TENM3: variants seen among roughly 807,000 people sequenced by gnomAD.
TENM3 encodes the protein teneurin transmembrane protein 3.
A neutral mutation model predicts 255.1 loss-of-function variants in TENM3; 63 were observed. The ratio of observed to expected loss-of-function variants is 0.25; its 90% CI spans 0.20 to 0.30. The LOEUF (loss-of-function observed/expected upper bound fraction) is 0.30, where lower values mean the gene tolerates loss of function less well. Among genes scored for constraint, TENM3 ranks in the 10% least tolerant of loss-of-function variants. The pLI, the probability that TENM3 is intolerant of heterozygous loss-of-function variation, is 1.00. For missense variants in TENM3, 2,929 were observed against 3,461.1 expected (o/e 0.85, Z 3.86); for synonymous variants, 1,306 against 1,322.3 (o/e 0.99, Z 0.27).
At chr4:182,796,551 G>A in intron 26 of TENM3, 86 bp from the exon 27 acceptor site, 2 of 1,248,104 alleles carry the variant, frequency 1.6e-6, no homozygotes, top group Non-Finnish European at 2.2e-6. Flanking sequence ...TTGTGAAATT[G>A]GATTTTCTTT....
the TENM3 span, among the ~76,000 whole-genome samples, chr4:181,521,566 C>T: frequency 2.0e-5 from 3 of 152,158 alleles, no homozygotes; most frequent in Non-Finnish European, 4.4e-5. Context: ...CATGCGTAAT[C>T]GTAACTCAAG....
rs772611029 is a variant in TENM3 at position 182,789,723 on chromosome 4, G to A, written c.5601+334G>A. Among the ~76,000 whole-genome samples the A allele has an allele frequency of 3.9e-5, 6 of 152,160 alleles. No individual in the cohort carries two copies. The highest frequency in any genetic ancestry group is 8.8e-5 in the Non-Finnish European group (6 of 68,040). On this transcript the variant is annotated intron_variant, in intron 25 of 27. Transcript: ENST00000511685. The surrounding 1 kb of genome is among the most constrained non-coding windows in gnomAD (Gnocchi z 4.4). ...TGTAAGTCGCTTGTAAATAATTTTC[G>A]TGCTAGCTCTTCCATTTAAGAGAGA...
chr4:181,618,316 C>T, the TENM3 span, among the ~76,000 whole-genome samples: 1 of 152,192 alleles, frequency 6.6e-6, no homozygotes, highest in Admixed American at 6.6e-5. Flanking sequence ...GTCCGCTCTG[C>T]AGCACTTCAT....
At chr4:181,730,831 A>G in the TENM3 span, among the ~76,000 whole-genome samples, 1 of 152,190 alleles carries the variant, frequency 6.6e-6, no homozygotes, top group Non-Finnish European at 1.5e-5. Flanking sequence ...AATTGAAGCT[A>G]TGCAGCCACC....
chr4:181,784,292 G>C, the TENM3 span, among the ~76,000 whole-genome samples: 1 of 151,688 alleles, frequency 6.6e-6, no homozygotes, highest in Non-Finnish European at 1.5e-5. Context: ...TTCTACCAAA[G>C]AGTTTTTCAG....
the TENM3 span, among the ~76,000 whole-genome samples, chr4:181,517,195 G>A: frequency 3.9e-5 from 6 of 152,106 alleles, no homozygotes; most frequent in Admixed American, 3.9e-4. Context: ...TGGAAGGGAG[G>A]ACAAGACTGT....
chr4:182,020,947 T>C, the TENM3 span, among the ~76,000 whole-genome samples: 1 of 152,158 alleles, frequency 6.6e-6, no homozygotes, highest in South Asian at 2.1e-4. Context: ...GGATTTTTTT[T>C]TCAAATTTTC....
chr4:182,271,232 A>G (rs1759599476), intron 1 of TENM3, among the ~76,000 whole-genome samples: 1 of 152,124 alleles, frequency 6.6e-6, no homozygotes, highest in African/African-American at 2.4e-5. Flanking sequence ...TTACAGCAGG[A>G]CTTATTCTTC....
the TENM3 span, among the ~76,000 whole-genome samples, chr4:181,964,906 C>T: frequency 3.3e-5 from 5 of 152,162 alleles, no homozygotes; most frequent in South Asian, 8.3e-4. Context: ...ACCCCTTTGA[C>T]GAAAAAGTTC....
chr4:182,720,017 G>A (rs376223130), intron 13 of TENM3, among the ~76,000 whole-genome samples: 7 of 152,104 alleles, frequency 4.6e-5, no homozygotes, highest in South Asian at 2.1e-4. Context: ...AGCCATGATC[G>A]CGCCACTGCA....
At chr4:182,575,433 A>T (rs1560947353) in intron 3 of TENM3, among the ~76,000 whole-genome samples, 1 of 152,222 alleles carries the variant, frequency 6.6e-6, no homozygotes. Flanking sequence ...AGCAGTCAGT[A>T]CATGAACGAG....
chr4:182,651,794 G>A (rs1299419835), intron 5 of TENM3, among the ~76,000 whole-genome samples: 1 of 150,424 alleles, frequency 6.6e-6, no homozygotes, highest in African/African-American at 2.5e-5. Flanking sequence ...AATATACAGG[G>A]TAGATGTCGC....
At chr4:182,363,876 A>G (rs572262121) in intron 3 of TENM3, among the ~76,000 whole-genome samples, 1 of 152,198 alleles carries the variant, frequency 6.6e-6, no homozygotes, top group Non-Finnish European at 1.5e-5. Context: ...AAATTTTAGC[A>G]TACAGCAGAT....
intron 1 of TENM3, among the ~76,000 whole-genome samples, chr4:182,230,462 A>C (rs1316462041): frequency 6.6e-6 from 1 of 152,064 alleles, no homozygotes; most frequent in Non-Finnish European, 1.5e-5. Context: ...CCTCTTGATT[A>C]GGAGAATATT....
the TENM3 span, among the ~76,000 whole-genome samples, chr4:181,998,772 T>G: frequency 8.4e-4 from 128 of 152,270 alleles, no homozygotes; most frequent in Middle Eastern, 6.8e-3. Context: ...TTTTCCTTCC[T>G]TATTATGACA....
chr4:181,532,283 TTA>T, the TENM3 span, among the ~76,000 whole-genome samples: 1 of 152,124 alleles, frequency 6.6e-6, no homozygotes, highest in Non-Finnish European at 1.5e-5. Flanking sequence ...ATGTAGACTT[TTA>T]TCACAGTTAC....
chr4:182,239,816 A>G (rs185102523), upstream of TENM3, among the ~76,000 whole-genome samples: 79 of 152,340 alleles, frequency 5.2e-4, 2 homozygotes, highest in African/African-American at 1.9e-3. Context: ...CTGGAAAAAA[A>G]TCATTACACC....
At chr4:181,774,106 G>A in the TENM3 span, among the ~76,000 whole-genome samples, 3 of 94,516 alleles carry the variant, frequency 3.2e-5, no homozygotes, top group Admixed American at 1.1e-4. Context: ...ATGCTGGTGT[G>A]CTGCACCCAC....
At chr4:182,239,791 G>A (rs1001972605), upstream of TENM3, among the ~76,000 whole-genome samples, 4 of 140,330 alleles carry the variant, frequency 2.9e-5, no homozygotes, top group South Asian at 2.1e-4. Flanking sequence ...CCAAATAATC[G>A]CAAAAAAAGC....
Sources: allele counts gnomAD v4.1 joint callset (sites outside exome capture counted in the v4.1 genomes callset), GRCh38; gene constraint gnomAD v4.1.1; non-coding constraint Gnocchi (gnomAD v3.1); transcripts MANE v1.5; gene names NCBI Gene and HGNC (gene_info 2026-07-23, HGNC 2026-07-21).